The following GMPS variants were observed in gnomAD, a reference collection of about 807,000 sequenced individuals.
The protein encoded by GMPS is guanosine monophosphate synthase.
Under a neutral mutation model 77.9 loss-of-function variants are expected in GMPS, and 15 were observed. The observed-to-expected ratio is 0.19, with a 90% CI of 0.13 to 0.30. The LOEUF is 0.30. Ranked by LOEUF, GMPS falls within the 10% of genes least tolerant of loss-of-function variation. The pLI, the probability that GMPS is intolerant of heterozygous loss-of-function variation, is 1.00. For missense variants in GMPS, 590 were observed against 838.8 expected, an observed-to-expected ratio of 0.70 and a Z score of 3.66; for synonymous variants, 224 against 275.9, an observed-to-expected ratio of 0.81 and a Z score of 1.86.
rs577702101 is a variant in GMPS, at chr3:155,918,275, C to A, written c.1213-958C>A. Among the ~76,000 whole-genome samples the A allele has an allele frequency of 2.4e-4, 36 of 152,150 alleles. No homozygotes were observed. In the South Asian group the frequency reaches 6.6e-3, roughly 28 times the overall value. ...GACCAGCCTGGCCAACATGGTGAAA[C>A]CCTGTATCTACTAAAAATACAAAAA... is the stretch of plus-strand genomic sequence containing the variant. On this transcript the variant is annotated intron_variant, in intron 9 of 15. Coordinates refer to ENST00000496455, the MANE Select transcript of GMPS (RefSeq NM_003875.3).
At chr3:155,882,823 G>C (rs964008815) in intron 1 of GMPS, among the ~76,000 whole-genome samples, 2 of 152,058 alleles carry the variant, frequency 1.3e-5, no homozygotes, top group African/African-American at 2.4e-5. Context: ...GGTTACCCTG[G>C]TAAAGTCAGA....
chr3:155,897,470 C>A (rs570017404), intron 2 of GMPS, among the ~76,000 whole-genome samples: 1 of 152,082 alleles, frequency 6.6e-6, no homozygotes, highest in African/African-American at 2.4e-5. Flanking sequence ...TCTATTCTGC[C>A]GTCTTTTGTT....
upstream of GMPS, among the ~76,000 whole-genome samples, chr3:155,869,633 A>C (rs771128257): frequency 1.4e-4 from 22 of 152,182 alleles, no homozygotes; most frequent in Non-Finnish European, 2.9e-4. Flanking sequence ...TATCTCACTA[A>C]GCCTCAATTT....
chr3:155,941,675 C>A lies in GMPS; in HGVS notation c.*3983C>A, dbSNP rs1755896156. On this transcript the variant is annotated 3_prime_UTR_variant, in exon 16 of 16. Coordinates refer to ENST00000496455, the MANE Select transcript of GMPS (RefSeq NM_003875.3). The stretch of plus-strand genomic sequence containing the variant: ...CCCAAATCCAGAATGTAATGGGGAA[C>A]TGAATACAAGTTGGATGTCTCCACC... 4.5e-6 allele frequency: 1 copy of A among 222,682 alleles called. No homozygotes were observed. Among genetic ancestry groups the A allele is most frequent in the Admixed American group, 5.8e-5 (1 of 17,366 alleles). The allele number at this position is 222,682 out of a possible 1,614,324, so 13.8% of individuals were successfully genotyped here.
At position 155,928,019 on chromosome 3, in the gene GMPS, C is replaced by CTTTTTTTTTT. The variant is rs35962523; in HGVS notation, c.1560+2669_1560+2678dup. 4.7e-4 allele frequency among the ~76,000 whole-genome samples: 32 copies of CTTTTTTTTTT among 67,844 alleles called. 1 individual carries two copies. Among genetic ancestry groups the CTTTTTTTTTT allele is most frequent in the African/African-American group, 7.7e-4 (12 of 15,640 alleles). The allele number at this position is 67,844 out of a possible 152,430, so 44.5% of individuals were successfully genotyped here. A position where few individuals can be genotyped will look rare whatever the true frequency, so the allele number is the denominator to read the frequency against. ...ATTTTATGTGCATGTGCATTTTACA[C>CTTTTTTTTTT]TTTTTTTTTTTTTTTTTTTTTTTTT... On this transcript the variant is annotated intron_variant, in intron 12 of 15. Coordinates refer to ENST00000496455, the MANE Select transcript of GMPS (RefSeq NM_003875.3).
chr3:155,902,370 C>T (rs1478884852), intron 3 of GMPS, among the ~76,000 whole-genome samples: 1 of 152,200 alleles, frequency 6.6e-6, no homozygotes. Flanking sequence ...TAGACCAAAT[C>T]TGGCCTACCA....
intron 2 of GMPS, among the ~76,000 whole-genome samples, chr3:155,896,472 G>A (rs988799962): frequency 8.6e-5 from 13 of 152,008 alleles, no homozygotes; most frequent in African/African-American, 3.1e-4. Context: ...CCACATCTCA[G>A]GTTGCCCATA....
chr3:155,911,008 A>G (rs748299233), intron 6 of GMPS, 106 bp from the exon 7 acceptor site: 2 of 1,109,920 alleles, frequency 1.8e-6, no homozygotes, highest in South Asian at 3.1e-5. Flanking sequence ...CAGTTACCAT[A>G]CATATCTTTG....
At chr3:155,890,867 C>T (rs112828272) in intron 1 of GMPS, among the ~76,000 whole-genome samples, 2 of 152,176 alleles carry the variant, frequency 1.3e-5, no homozygotes, top group African/African-American at 4.8e-5. Context: ...AGCATTATCA[C>T]TTTTCATTTC....
At chr3:155,885,693 G>A (rs372973196) in intron 1 of GMPS, among the ~76,000 whole-genome samples, 55 of 152,306 alleles carry the variant, frequency 3.6e-4, no homozygotes, top group African/African-American at 1.2e-3. Context: ...CTGTTTGAGT[G>A]CCACTAATCC....
chr3:155,900,441 G>A (rs1372030021), intron 3 of GMPS, among the ~76,000 whole-genome samples: 1 of 151,546 alleles, frequency 6.6e-6, no homozygotes, highest in East Asian at 1.9e-4. Context: ...AGAGTACTCA[G>A]TGTTAATCAT....
intron 13 of GMPS, among the ~76,000 whole-genome samples, chr3:155,933,477 G>T (rs1024944288): frequency 2.0e-5 from 3 of 152,128 alleles, no homozygotes; most frequent in African/African-American, 7.2e-5. Context: ...CTCCTGTAAA[G>T]ATCTTTTATG....
Position 155,940,304 on chromosome 3 carries a change from G to C in GMPS, c.*2612G>C, listed in dbSNP as rs1449496830. 3 of 202,744 alleles carry C rather than the reference G, an allele frequency of 1.5e-5. No homozygotes were observed. Among genetic ancestry groups the C allele is most frequent in the Non-Finnish European group, 3.0e-5 (3 of 98,976 alleles). The allele number at this position is 202,744 out of a possible 1,614,324, so 12.6% of individuals were successfully genotyped here. A position where few individuals can be genotyped will look rare whatever the true frequency, so the allele number is the denominator to read the frequency against. ...TTAAAGGCCACATCTATGATCATCA[G>C]CTCTGTTAGAAATAACAGCCTGGCA... On this transcript the variant is annotated 3_prime_UTR_variant, in exon 16 of 16. Coordinates refer to ENST00000496455, the MANE Select transcript of GMPS (RefSeq NM_003875.3).
intron 5 of GMPS, among the ~76,000 whole-genome samples, chr3:155,908,621 A>C (rs1754955841): frequency 6.6e-6 from 1 of 152,200 alleles, no homozygotes; most frequent in Admixed American, 6.5e-5. Flanking sequence ...GAGACAGAGG[A>C]TTTGCTGTTA....
At chr3:155,883,116 G>A (rs1396578428) in intron 1 of GMPS, among the ~76,000 whole-genome samples, 1 of 152,016 alleles carries the variant, frequency 6.6e-6, no homozygotes, top group Non-Finnish European at 1.5e-5. Flanking sequence ...CTGTCGCCCA[G>A]GCTGGAGTGC....
At chr3:155,917,038 G>A (rs1256388336) in intron 9 of GMPS, among the ~76,000 whole-genome samples, 2 of 150,450 alleles carry the variant, frequency 1.3e-5, no homozygotes, top group Admixed American at 6.6e-5. Flanking sequence ...GCAGTCATGC[G>A]ACCTCGGCTC....
chr3:155,907,788 C>T (rs1425882593), intron 5 of GMPS, among the ~76,000 whole-genome samples: 5 of 152,132 alleles, frequency 3.3e-5, no homozygotes, highest in African/African-American at 1.2e-4. Flanking sequence ...GGAAGGCATT[C>T]CTATAAGATG....
At chr3:155,912,120 G>A (rs1220076923) in intron 7 of GMPS, among the ~76,000 whole-genome samples, 1 of 152,164 alleles carries the variant, frequency 6.6e-6, no homozygotes, top group African/African-American at 2.4e-5. Flanking sequence ...AATGATAAAA[G>A]TTATTGTACA....
intron 3 of GMPS, among the ~76,000 whole-genome samples, chr3:155,901,831 T>C (rs1245625084): frequency 6.6e-6 from 1 of 152,140 alleles, no homozygotes; most frequent in Non-Finnish European, 1.5e-5. Flanking sequence ...GTGGGAGCCT[T>C]TATATATTCT....
Sources: allele counts gnomAD v4.1 joint callset (sites outside exome capture counted in the v4.1 genomes callset), GRCh38; gene constraint gnomAD v4.1.1; transcripts MANE v1.5; gene names NCBI Gene and HGNC (gene_info 2026-07-23, HGNC 2026-07-21).